Variants in EML1 observed in about 807,000 individuals in gnomAD.
EML1 encodes echinoderm microtubule-associated protein-like 1.
A neutral mutation model predicts 110.4 loss-of-function variants in EML1; 27 were observed. The ratio of observed to expected loss-of-function variants is 0.24; its 90% CI spans 0.18 to 0.34. The LOEUF is 0.34. EML1 is among the 10% of genes least tolerant of loss of function. The pLI is 1.00. For synonymous variants in EML1, 344 were observed against 385.8 expected (o/e 0.89, Z 1.27); for missense variants, 741 against 1,030.9 (o/e 0.72, Z 3.85).
chr14:99,769,886 C>A (rs1256099602), upstream of EML1, among the ~76,000 whole-genome samples: 4 of 152,176 alleles, frequency 2.6e-5, no homozygotes, highest in Admixed American at 2.6e-4. Flanking sequence ...GAAATGGGTT[C>A]TGCTGAGCTT....
chr14:99,745,116 G>A (rs907148998), intron 1 of EML1, among the ~76,000 whole-genome samples: 12 of 151,968 alleles, frequency 7.9e-5, no homozygotes, highest in African/African-American at 2.9e-4. Flanking sequence ...ACCCAGGCTT[G>A]AGTGCAGTGG....
Position 99,939,257 on chromosome 14 carries a change from A to G in EML1, c.2252A>G (p.Lys751Arg). Residue 751 changes from lysine (K) to arginine (R), a missense_variant, in exon 21 of 22, where the codon AAG becomes AGG. By Grantham distance (26) the Lys-to-Arg change is conservative. Transcript: ENST00000262233. This position sits in a 1 kb window ranked among gnomAD's most constrained non-coding sequence, Gnocchi z 4.2. ...DINAVCRAHE[K>R]KLLSTGDDFG... ...AATGCCGTCTGTCGGGCCCATGAGA[A>G]GAAACTCCTGTCAACAGGCGACGAC... is the stretch of plus-strand genomic sequence containing the variant. The G allele has an allele frequency of 1.2e-6, 2 of 1,614,210 alleles. No individual in the cohort carries two copies. Among genetic ancestry groups the G allele is most frequent in the Non-Finnish European group, 1.7e-6 (2 of 1,180,040 alleles).
At chr14:99,865,384 C>T in intron 2 of EML1, 130 bp from the exon 3 acceptor site, 1 of 1,129,232 alleles carries the variant, frequency 8.9e-7, no homozygotes, top group Non-Finnish European at 1.3e-6. Flanking sequence ...AAGAGTTGCT[C>T]ACTCGCTCAC....
chr14:99,770,644 G>A (rs1332138544), upstream of EML1, among the ~76,000 whole-genome samples: 8 of 152,078 alleles, frequency 5.3e-5, no homozygotes, highest in Admixed American at 5.2e-4. Context: ...AAACAGGGAT[G>A]TTCCTATCAC....
intron 1 of EML1, among the ~76,000 whole-genome samples, chr14:99,842,392 T>C (rs1389501245): frequency 1.3e-5 from 2 of 152,226 alleles, no homozygotes; most frequent in Non-Finnish European, 2.9e-5. Context: ...CTCAGACAGC[T>C]CATGCTGCTG....
intron 1 of EML1, among the ~76,000 whole-genome samples, chr14:99,754,327 T>A (rs904810405): frequency 4.6e-5 from 7 of 152,138 alleles, no homozygotes; most frequent in African/African-American, 1.7e-4. Context: ...GGGGGCCCCA[T>A]CTCCCAGCCT....
intron 1 of EML1, among the ~76,000 whole-genome samples, chr14:99,841,069 A>G (rs77923533): frequency 2.6e-5 from 4 of 152,270 alleles, no homozygotes; most frequent in South Asian, 4.1e-4. Context: ...ATGAGAGTCA[A>G]GTTGGAGCTG....
rs570162472 is a variant in EML1 at position 99,901,209 on chromosome 14, A to G, written c.1008+170A>G. ...AACCCCTCAGTCAGAGGTCATATGC[A>G]TGTCTCATCAGGGACACACACTTCC... On this transcript the variant is annotated intron_variant, in intron 9 of 21. Coordinates refer to ENST00000262233, the MANE Select transcript of EML1 (RefSeq NM_004434.3). Among the ~76,000 whole-genome samples the G allele has an allele frequency of 3.9e-5, 6 of 152,300 alleles. No homozygotes were observed. In the South Asian group the frequency reaches 1.2e-3, roughly 32 times the overall value.
intron 1 of EML1, among the ~76,000 whole-genome samples, chr14:99,752,215 C>T (rs1347255903): frequency 6.6e-6 from 1 of 152,118 alleles, no homozygotes; most frequent in Non-Finnish European, 1.5e-5. Flanking sequence ...CCCAGAGAAG[C>T]ATTTCCCTTC....
At chr14:99,778,597 T>A (rs773714096) in intron 1 of EML1, among the ~76,000 whole-genome samples, 30 of 152,178 alleles carry the variant, frequency 2.0e-4, no homozygotes, top group Non-Finnish European at 3.5e-4. Flanking sequence ...TCCCATGTAA[T>A]CTTTCTTGGC....
chr14:99,755,678 C>T (rs1421130221), intron 1 of EML1, among the ~76,000 whole-genome samples: 1 of 152,198 alleles, frequency 6.6e-6, no homozygotes, highest in East Asian at 1.9e-4. Flanking sequence ...AACAGGGTGC[C>T]TCTCTGGATC....
At position 99,861,719 on chromosome 14, in the gene EML1, T is replaced by G. The variant is rs535046631; in HGVS notation, c.251-3795T>G. ...CTGGTCTCAAACTCCTGTCCTCAGG[T>G]TATCCACCTGCCTCAGCCTCCCAAA... On this transcript the variant is annotated intron_variant, in intron 2 of 21. Transcript: ENST00000262233. Among the ~76,000 whole-genome samples the G allele has an allele frequency of 2.4e-3, 368 of 152,252 alleles. 2 individuals carry two copies. Among genetic ancestry groups the G allele is most frequent in the African/African-American group, 7.8e-3 (325 of 41,550 alleles).
intron 1 of EML1, among the ~76,000 whole-genome samples, chr14:99,776,156 T>C (rs895223488): frequency 2.0e-5 from 3 of 152,146 alleles, no homozygotes; most frequent in African/African-American, 4.8e-5. Context: ...CCCTTACAGA[T>C]GAAGCTGAAA....
At chr14:99,812,644 T>C (rs538130746) in intron 1 of EML1, among the ~76,000 whole-genome samples, 18 of 147,944 alleles carry the variant, frequency 1.2e-4, no homozygotes, top group Non-Finnish European at 2.1e-4. Flanking sequence ...TGTCAGGATT[T>C]AGGGGAGGTT....
In EML1 at chr14:99,793,489, T is replaced by C. The variant is rs2057708000; in HGVS notation, c.13T>C (p.Phe5Leu). The stretch of plus-strand genomic sequence containing the variant: ...CGGCGGCCTCAGCATGGAGGACGGC[T>C]TCTCCAGCTACAGCAGCCTGTACGA... MEDGFSSYSSLYDTS... is the reference protein window; with the variant it reads MEDGLSSYSSLYDTS... The change falls in exon 1 of 22, where the codon TTC becomes CTC. Residue 5 changes from phenylalanine (F) to leucine (L), a missense_variant. Coordinates refer to ENST00000262233, the MANE Select transcript of EML1 (RefSeq NM_004434.3). 1.9e-6 allele frequency: 2 copies of C among 1,051,556 alleles called. No individual in the cohort carries two copies. The highest frequency in any genetic ancestry group is 1.1e-6 in the Non-Finnish European group (1 of 870,312). The allele number at this position is 1,051,556 out of a possible 1,614,324, so 65.1% of individuals were successfully genotyped here. A position where few individuals can be genotyped will look rare whatever the true frequency, so the allele number is the denominator to read the frequency against.
chr14:99,911,300 A>C (rs1212075391), intron 12 of EML1, 122 bp from the exon 13 acceptor site: 2 of 1,159,198 alleles, frequency 1.7e-6, no homozygotes, highest in African/African-American at 3.2e-5. Context: ...TCATAGATTC[A>C]TATTGCAATG....
chr14:99,871,809 G>A (rs1185818693), intron 3 of EML1, among the ~76,000 whole-genome samples: 1 of 152,210 alleles, frequency 6.6e-6, no homozygotes, highest in African/African-American at 2.4e-5. Flanking sequence ...GAGAGAAGAT[G>A]CTGTGAACAC....
In EML1 at chr14:99,850,971, G is replaced by T; in HGVS notation, c.186G>T (p.Val62=). 1 of 1,614,152 alleles carries T rather than the reference G, an allele frequency of 6.2e-7. No individual in the cohort carries two copies. Among genetic ancestry groups the T allele is most frequent in the Non-Finnish European group, 8.5e-7 (1 of 1,180,026 alleles). The change falls in exon 2 of 22, where the codon GTG becomes GTT. Residue 62 remains valine, a synonymous_variant. Transcript: ENST00000262233. Reference sequence around the variant, plus strand: ...TGCTCAAATCAGCTCTAGCTGATGTGGTTCGGCGGCTGAACATTACTGAGG... The same window carrying T: ...TGCTCAAATCAGCTCTAGCTGATGTTGTTCGGCGGCTGAACATTACTGAGG... The part of the protein sequence containing the change: ...IQLLKSALAD[V]VRRLNITEEQ...
At chr14:99,832,816 T>C (rs1164006276) in intron 1 of EML1, among the ~76,000 whole-genome samples, 2 of 152,254 alleles carry the variant, frequency 1.3e-5, no homozygotes, top group Non-Finnish European at 2.9e-5. Flanking sequence ...CTGTGGCTTA[T>C]CTTTTCACTC....
Sources: allele counts gnomAD v4.1 joint callset (sites outside exome capture counted in the v4.1 genomes callset), GRCh38; gene constraint gnomAD v4.1.1; non-coding constraint Gnocchi (gnomAD v3.1); transcripts MANE v1.5; gene names NCBI Gene and HGNC (gene_info 2026-07-23, HGNC 2026-07-21).